The following COLQ variants were observed in gnomAD, a reference collection of about 807,000 sequenced individuals.
COLQ encodes the protein collagen like tail subunit of asymmetric acetylcholinesterase, also known as acetylcholinesterase collagenic tail peptide.
A neutral mutation model predicts 69.0 loss-of-function variants in COLQ; 48 were observed. The observed-to-expected ratio is 0.70, with a 90% confidence interval of 0.55 to 0.88. COLQ has a LOEUF of 0.88. COLQ is among the 40% of genes least tolerant of loss of function. The pLI is 0.00. For missense variants in COLQ, 618 were observed against 594.6 expected, an observed-to-expected ratio of 1.04 and a Z score of -0.41; for synonymous variants, 217 against 211.2, an observed-to-expected ratio of 1.03 and a Z score of -0.24.
chr3:15,452,497 TA>T (rs2061961247), intron 16 of COLQ, among the ~76,000 whole-genome samples: 1 of 152,214 alleles, frequency 6.6e-6, no homozygotes, highest in African/African-American at 2.4e-5. Context: ...GACAGGGCGT[TA>T]AACCTTACAG....
rs2062772719 is a variant in COLQ at position 15,498,047 on chromosome 3, G to T, written c.107-8410C>A. ...GAACAATTTGTGGTTTGGTGGCTGT[G>T]CCTCTGAGCCAAATTACCCAAGGCA... On this transcript the variant is annotated intron_variant, in intron 1 of 16. Transcript: ENST00000383788. Among the ~76,000 whole-genome samples the T allele has an allele frequency of 2.0e-5, 3 of 152,196 alleles. No individual in the cohort carries two copies. In the South Asian group the frequency reaches 6.2e-4, roughly 31 times the overall value.
intron 1 of COLQ, among the ~76,000 whole-genome samples, chr3:15,516,798 C>A (rs2063068871): frequency 6.6e-6 from 1 of 152,192 alleles, no homozygotes; most frequent in Non-Finnish European, 1.5e-5. Flanking sequence ...AATATTCAAT[C>A]TTTTGCTAGA....
At chr3:15,510,009 A>G (rs543306510) in intron 1 of COLQ, among the ~76,000 whole-genome samples, 181 of 152,152 alleles carry the variant, frequency 1.2e-3, no homozygotes, top group Non-Finnish European at 1.5e-3. Context: ...CGTCTCTACT[A>G]AAAATACAAA....
Position 15,466,448 on chromosome 3 carries a change from G to T in COLQ, c.718-11C>A, listed in dbSNP as rs779127197. The T allele has an allele frequency of 1.2e-6, 2 of 1,608,384 alleles. No homozygotes were observed. The highest frequency in any genetic ancestry group is 1.7e-6 in the Non-Finnish European group (2 of 1,174,846). On this transcript the variant is annotated splice_polypyrimidine_tract_variant and intron_variant, in intron 11 of 16. Coordinates refer to ENST00000383788, the MANE Select transcript of COLQ (RefSeq NM_005677.4). The stretch of plus-strand genomic sequence containing the variant: ...ATCCCCTTTCTGTCCCTGACAGAGA[G>T]AAAGGCAGAGCCTGTTATGAAAGCA...
In COLQ at chr3:15,475,075, G is replaced by GTCT. The variant is rs2062356863; in HGVS notation, c.529-125_529-124insAGA. On this transcript the variant is annotated intron_variant, in intron 7 of 16. Transcript: ENST00000383788. ...TCTCCACATTGCACTGTGAGTTTTAGTGGGGTTGCAGCACCAAACACAAAG... is the reference window on the plus strand; with the variant it reads ...TCTCCACATTGCACTGTGAGTTTTAGTCTTGGGGTTGCAGCACCAAACACAAAG... 7.1e-5 allele frequency: 76 copies of GTCT among 1,074,936 alleles called. 2 individuals carry two copies. In the South Asian group the frequency reaches 9.4e-4, roughly 13 times the overall value. 66.6% of individuals were successfully genotyped at this position (1,074,936 alleles called of 1,614,324 possible). A position where few individuals can be genotyped will look rare whatever the true frequency, so the allele number is the denominator to read the frequency against.
At chr3:15,502,930 C>A (rs2062852462) in intron 1 of COLQ, among the ~76,000 whole-genome samples, 1 of 152,222 alleles carries the variant, frequency 6.6e-6, no homozygotes, top group South Asian at 2.1e-4. Flanking sequence ...TTAACCCTCA[C>A]AACTGATTAT....
At chr3:15,477,031 G>T in intron 6 of COLQ, 95 bp downstream of exon 6, 1 of 1,184,932 alleles carries the variant, frequency 8.4e-7, no homozygotes, top group South Asian at 1.3e-5. Context: ...CTTGAAGAAG[G>T]GATTCCCTGA....
At chr3:15,498,441 T>C (rs538634944) in intron 1 of COLQ, 1 of 1,480,742 alleles carries the variant, frequency 6.8e-7, no homozygotes, top group Non-Finnish European at 9.2e-7. Flanking sequence ...TTTCCAAGAG[T>C]CTTTTTTCCA....
At chr3:15,455,027 C>T (rs2062005663) in intron 15 of COLQ, among the ~76,000 whole-genome samples, 1 of 152,042 alleles carries the variant, frequency 6.6e-6, no homozygotes, top group Non-Finnish European at 1.5e-5. Context: ...GCCCTGAGCC[C>T]CAGCCTGGAT....
At chr3:15,455,251 C>T (rs1294913547) in intron 15 of COLQ, among the ~76,000 whole-genome samples, 1 of 152,222 alleles carries the variant, frequency 6.6e-6, no homozygotes, top group Non-Finnish European at 1.5e-5. Flanking sequence ...TGGCCTCTGC[C>T]TTGAGCCTGA....
rs371974104 is a variant in COLQ at position 15,497,036 on chromosome 3, C to CTTTTTTT, written c.107-7406_107-7400dup. Reference sequence around the variant, plus strand: ...CAAATCATCTCCAAAGTCCTTTTGCCTTTTTTTTTTTTTTTTTTTTTTTTT... The same window carrying CTTTTTTT: ...CAAATCATCTCCAAAGTCCTTTTGCCTTTTTTTTTTTTTTTTTTTTTTTTTTTTTTTT... On this transcript the variant is annotated intron_variant, in intron 1 of 16. Coordinates refer to ENST00000383788, the MANE Select transcript of COLQ (RefSeq NM_005677.4). Among the ~76,000 whole-genome samples, 24 of 107,522 alleles carry CTTTTTTT rather than the reference C, an allele frequency of 2.2e-4. 1 individual carries two copies. Among genetic ancestry groups the CTTTTTTT allele is most frequent in the African/African-American group, 5.2e-4 (14 of 27,064 alleles). The allele number at this position is 107,522 out of a possible 152,430, so 70.5% of individuals were successfully genotyped here. A position where few individuals can be genotyped will look rare whatever the true frequency, so the allele number is the denominator to read the frequency against.
At position 15,466,868 on chromosome 3, in the gene COLQ, A is replaced by T. The variant is rs140153955; in HGVS notation, c.718-431T>A. Among the ~76,000 whole-genome samples, 719 of 152,240 alleles carry T rather than the reference A, an allele frequency of 4.7e-3. 8 individuals carry two copies. Among genetic ancestry groups the T allele is most frequent in the Middle Eastern group, 0.031 (9 of 294 alleles). ...CAGCCTTTTGGCCTTTTTGGTCTTC[A>T]AGGGCACCATGTCTATTATCCCCCT... On this transcript the variant is annotated intron_variant, in intron 11 of 16. Coordinates refer to ENST00000383788, the MANE Select transcript of COLQ (RefSeq NM_005677.4).
intron 15 of COLQ, 46 bp downstream of exon 15, chr3:15,455,853 C>A: frequency 6.2e-7 from 1 of 1,612,934 alleles, no homozygotes; most frequent in South Asian, 1.1e-5. Context: ...AGTCCCACCC[C>A]CCTGCTGTTC....
intron 11 of COLQ, among the ~76,000 whole-genome samples, chr3:15,468,295 A>G (rs1400280771): frequency 6.7e-6 from 1 of 149,360 alleles, no homozygotes; most frequent in East Asian, 2.0e-4. Context: ...GATCTCTCTC[A>G]AGGAAATTGT....
At chr3:15,475,038 T>C in intron 7 of COLQ, 87 bp from the exon 8 acceptor site, 2 of 1,382,464 alleles carry the variant, frequency 1.4e-6, no homozygotes, top group Non-Finnish European at 2.1e-6. Context: ...CTGAATGTGG[T>C]GGTAAGGTAT....
chr3:15,457,846 T>C (rs985866415), intron 13 of COLQ, among the ~76,000 whole-genome samples: 2 of 152,136 alleles, frequency 1.3e-5, no homozygotes, highest in Non-Finnish European at 2.9e-5. Context: ...CTCGAACTCC[T>C]GACCTTATAA....
chr3:15,471,911 G>A (rs2062294920), intron 10 of COLQ, among the ~76,000 whole-genome samples: 1 of 151,962 alleles, frequency 6.6e-6, no homozygotes, highest in Admixed American at 6.6e-5. Context: ...TTCCCTGGCT[G>A]TTTTAGAGAG....
chr3:15,519,603 C>T (rs191656267), intron 1 of COLQ, among the ~76,000 whole-genome samples: 16 of 152,262 alleles, frequency 1.1e-4, no homozygotes, highest in East Asian at 1.9e-4. Context: ...CCCTTAACCC[C>T]GCCCACACCT....
chr3:15,481,281 G>A (rs1017973406), intron 3 of COLQ, among the ~76,000 whole-genome samples: 30 of 152,168 alleles, frequency 2.0e-4, no homozygotes, highest in African/African-American at 7.0e-4. Context: ...CTTTGCCCAT[G>A]CCTATGTCCT....
Sources: gnomAD v4.1 joint callset for allele counts (sites outside exome capture counted in the v4.1 genomes callset) on GRCh38, gnomAD v4.1.1 for gene constraint, MANE v1.5 for transcripts, NCBI Gene and HGNC (gene_info 2026-07-23, HGNC 2026-07-21) for gene names.